Variants in EPS15L1 observed in about 807,000 individuals in gnomAD.
EPS15L1 encodes epidermal growth factor receptor pathway substrate 15 like 1.
EPS15L1 carries 43 observed loss-of-function variants against 117.1 expected under a neutral mutation model. The observed-to-expected ratio is 0.37, with a 90% CI of 0.29 to 0.47. The LOEUF is 0.47. EPS15L1 is among the 20% of genes least tolerant of loss of function. The pLI, the probability that EPS15L1 is intolerant of heterozygous loss-of-function variation, is 0.99. For missense variants in EPS15L1, 981 were observed against 1,164.0 expected (o/e 0.84, Z 2.29); for synonymous variants, 459 against 470.5 (o/e 0.98, Z 0.32).
At chr19:16,452,335 AC>A (rs1448916906) in intron 1 of EPS15L1, among the ~76,000 whole-genome samples, 1 of 151,782 alleles carries the variant, frequency 6.6e-6, no homozygotes, top group African/African-American at 2.4e-5. Flanking sequence ...AATCCCAGCT[AC>A]TCAGGAGGCT....
In EPS15L1 at chr19:16,421,218, G is replaced by A. The variant is rs187700809; in HGVS notation, c.950+101C>T. 7.6e-4 allele frequency: 992 copies of A among 1,307,102 alleles called. 11 individuals carry two copies. In the East Asian group the frequency reaches 0.017, roughly 22 times the overall value. The allele number at this position is 1,307,102 out of a possible 1,614,324, so 81.0% of individuals were successfully genotyped here. ...GACGCCAGACACAGCGGAAGCCTGTGACAGGCTGGAGGGGGCCCCCTGACC... is the reference window on the plus strand; with the variant it reads ...GACGCCAGACACAGCGGAAGCCTGTAACAGGCTGGAGGGGGCCCCCTGACC... On this transcript the variant is annotated intron_variant, in intron 10 of 23. Transcript: ENST00000455140.
At chr19:16,395,001 C>T (rs1354125351) in intron 17 of EPS15L1, among the ~76,000 whole-genome samples, 1 of 152,014 alleles carries the variant, frequency 6.6e-6, no homozygotes, top group Non-Finnish European at 1.5e-5. Flanking sequence ...GGGTGGATTA[C>T]CTGAGGTCAA....
At chr19:16,425,054 G>A (rs2092855855) in intron 9 of EPS15L1, 29 bp downstream of exon 9, 1 of 1,555,772 alleles carries the variant, frequency 6.4e-7, no homozygotes, top group Non-Finnish European at 8.9e-7. Context: ...TGCTCTGAGA[G>A]GGGGCTGTGC....
chr19:16,370,157 A>G lies in EPS15L1; in HGVS notation c.2380+6965T>C, dbSNP rs965107835. On this transcript the variant is annotated intron_variant, in intron 22 of 23. Coordinates refer to ENST00000455140, the MANE Select transcript of EPS15L1 (RefSeq NM_001258374.3). The surrounding 1 kb of genome is among the most constrained non-coding windows in gnomAD (Gnocchi z 5.2). ...CAAGTGAGGCGCAGAGCCCACCAGG[A>G]GCTCCCATGGTGGGGGACACTTTTG... Among the ~76,000 whole-genome samples, 7 of 152,176 alleles carry G rather than the reference A, an allele frequency of 4.6e-5. No homozygotes were observed. The highest frequency in any genetic ancestry group is 1.4e-4 in the African/African-American group (6 of 41,452).
intron 22 of EPS15L1, among the ~76,000 whole-genome samples, chr19:16,376,593 C>A (rs1218465413): frequency 2.0e-5 from 3 of 152,176 alleles, no homozygotes; most frequent in African/African-American, 4.8e-5. Flanking sequence ...ACATCAGATG[C>A]CACCAAGGAC....
chr19:16,433,534 A>C (rs1163172980), intron 7 of EPS15L1, among the ~76,000 whole-genome samples: 1 of 152,196 alleles, frequency 6.6e-6, no homozygotes, highest in East Asian at 1.9e-4. Context: ...AGTAATTAAT[A>C]GTAGAAAAGA....
chr19:16,445,847 G>T (rs995056556), intron 1 of EPS15L1, among the ~76,000 whole-genome samples: 1 of 152,214 alleles, frequency 6.6e-6, no homozygotes, highest in African/African-American at 2.4e-5. Context: ...CAGGATGGCC[G>T]TAGGAATGGA....
intron 10 of EPS15L1, among the ~76,000 whole-genome samples, chr19:16,419,592 C>T (rs371902502): frequency 7.2e-5 from 11 of 152,072 alleles, no homozygotes; most frequent in African/African-American, 2.4e-4. Flanking sequence ...ACCTCGTTTC[C>T]CACCTCCCGT....
intron 22 of EPS15L1, among the ~76,000 whole-genome samples, chr19:16,364,319 C>A (rs1383408696): frequency 1.3e-5 from 2 of 152,222 alleles, no homozygotes; most frequent in Non-Finnish European, 2.9e-5. Context: ...CAGTGCCCAG[C>A]CCACGCGGGC....
intron 1 of EPS15L1, among the ~76,000 whole-genome samples, chr19:16,449,359 G>C (rs1048191787): frequency 4.6e-5 from 7 of 152,150 alleles, no homozygotes; most frequent in African/African-American, 1.7e-4. Flanking sequence ...ATAGCAGATG[G>C]CAAATAAACG....
chr19:16,438,556 A>G (rs1279317657), intron 4 of EPS15L1, among the ~76,000 whole-genome samples: 1 of 152,076 alleles, frequency 6.6e-6, no homozygotes, highest in African/African-American at 2.4e-5. Context: ...TGTTTTAGAG[A>G]TAGGGTCTCA....
intron 21 of EPS15L1, 75 bp downstream of exon 21, chr19:16,385,054 G>T (rs1015670950): frequency 1.7e-6 from 2 of 1,146,872 alleles, no homozygotes; most frequent in Non-Finnish European, 1.3e-6. Flanking sequence ...GAACAATTAC[G>T]CCTGGCAGCC....
chr19:16,441,711 G>A, intron 3 of EPS15L1, 181 bp downstream of exon 3: 1 of 490,502 alleles, frequency 2.0e-6, no homozygotes, highest in Non-Finnish European at 3.7e-6. Context: ...CCAAAGTAGT[G>A]GTGGGGGCTG....
intron 18 of EPS15L1, 21 bp downstream of exon 18, chr19:16,393,930 C>G (rs747723919): frequency 1.9e-6 from 3 of 1,613,342 alleles, no homozygotes; most frequent in Admixed American, 3.3e-5. Flanking sequence ...AAAGACCGGT[C>G]CGGGAAACAC....
At position 16,370,369 on chromosome 19, in the gene EPS15L1, C is replaced by T. The variant is rs889646033; in HGVS notation, c.2380+6753G>A. Among the ~76,000 whole-genome samples the T allele has an allele frequency of 6.6e-6, 1 of 152,132 alleles. No individual in the cohort carries two copies. The highest frequency in any genetic ancestry group is 1.5e-5 in the Non-Finnish European group (1 of 68,020). On this transcript the variant is annotated intron_variant, in intron 22 of 23. Transcript: ENST00000455140. The surrounding 1 kb of genome is among the most constrained non-coding windows in gnomAD (Gnocchi z 5.2). ...CTGCACCCAGAGCCCCCTTCTGAGG[C>T]GTCTGCCCCAGCCCTCACCTCCCTC...
chr19:16,416,964 A>C (rs1293878472), intron 12 of EPS15L1, among the ~76,000 whole-genome samples: 1 of 152,238 alleles, frequency 6.6e-6, no homozygotes, highest in African/African-American at 2.4e-5. Flanking sequence ...GGGGAGCCAC[A>C]GACCTGGAGG....
intron 9 of EPS15L1, among the ~76,000 whole-genome samples, chr19:16,424,737 T>C (rs1599627164): frequency 6.6e-6 from 1 of 152,070 alleles, no homozygotes. Context: ...CTCAGCTCAC[T>C]GCAACCTCCG....
intron 22 of EPS15L1, among the ~76,000 whole-genome samples, chr19:16,369,676 A>AGTGTGTGTGTGTGTGTGTGTGTGTGTGT (rs10543332): frequency 7.4e-4 from 108 of 146,134 alleles, no homozygotes; most frequent in African/African-American, 1.3e-3. Flanking sequence ...AAGAAAAAAA[A>AGTGTGTGTGTGTGTGTGTGTGTGTGTGT]GTGTGTGTGT....
At chr19:16,436,356 T>G (rs2092978001) in intron 6 of EPS15L1, among the ~76,000 whole-genome samples, 1 of 152,214 alleles carries the variant, frequency 6.6e-6, no homozygotes, top group Non-Finnish European at 1.5e-5. Context: ...ATTCTGTACT[T>G]AGAAGACAGC....
Sources: gnomAD v4.1 joint callset for allele counts (sites outside exome capture counted in the v4.1 genomes callset) on GRCh38, gnomAD v4.1.1 for gene constraint, Gnocchi (gnomAD v3.1) non-coding constraint, MANE v1.5 for transcripts, NCBI Gene and HGNC (gene_info 2026-07-23, HGNC 2026-07-21) for gene names.